The following GRIK3 variants were observed in gnomAD, a reference collection of about 807,000 sequenced individuals.
GRIK3 encodes glutamate ionotropic receptor kainate type subunit 3.
GRIK3 carries 29 observed loss-of-function variants against 102.5 expected under a neutral mutation model. The observed-to-expected ratio is 0.28, with a 90% CI of 0.21 to 0.39. The LOEUF (loss-of-function observed/expected upper bound fraction) is 0.39, where lower values mean the gene tolerates loss of function less well. Among genes scored for constraint, GRIK3 ranks in the 10% least tolerant of loss-of-function variants. The probability of loss-of-function intolerance (pLI) is 1.00; values close to 1 mark genes in which losing one functional copy is unlikely to be tolerated. For synonymous variants in GRIK3, 511 were observed against 504.9 expected (o/e 1.01, Z -0.16); for missense variants, 908 against 1,252.4 (o/e 0.73, Z 4.15).
chr1:36,843,140 G>C (rs540741033), intron 9 of GRIK3, among the ~76,000 whole-genome samples: 14 of 152,356 alleles, frequency 9.2e-5, no homozygotes, highest in Non-Finnish European at 1.9e-4. Context: ...AGAGGCAGAA[G>C]AGCCAGTGGA....
chr1:37,020,125 C>T (rs544156200), intron 1 of GRIK3, among the ~76,000 whole-genome samples: 1 of 152,182 alleles, frequency 6.6e-6, no homozygotes, highest in African/African-American at 2.4e-5. Flanking sequence ...CTCCATACCC[C>T]AGTGATGGAT....
intron 7 of GRIK3, among the ~76,000 whole-genome samples, chr1:36,855,393 T>C (rs1366894722): frequency 1.3e-5 from 2 of 152,232 alleles, no homozygotes; most frequent in African/African-American, 2.4e-5. Flanking sequence ...GGAGTTTCAT[T>C]GACAAATCCC....
At chr1:36,966,210 C>T (rs1024389019) in intron 1 of GRIK3, among the ~76,000 whole-genome samples, 2 of 152,230 alleles carry the variant, frequency 1.3e-5, no homozygotes, top group African/African-American at 4.8e-5. Context: ...GCCCCAATCA[C>T]CTCTCCACAG....
chr1:36,807,421 A>G (rs1395767313), intron 13 of GRIK3, among the ~76,000 whole-genome samples: 3 of 152,152 alleles, frequency 2.0e-5, no homozygotes, highest in Non-Finnish European at 4.4e-5. Context: ...TGCAGGCCCC[A>G]CTGAGCCCGG....
At chr1:37,001,294 G>C (rs1392970016) in intron 1 of GRIK3, among the ~76,000 whole-genome samples, 1 of 152,212 alleles carries the variant, frequency 6.6e-6, no homozygotes, top group Non-Finnish European at 1.5e-5. Flanking sequence ...AGAATAGTCT[G>C]AGATCAATTG....
rs969338952 is a variant in GRIK3 at position 36,800,066 on chromosome 1, C to T, written c.*1785G>A. 1.3e-5 allele frequency: 2 copies of T among 152,208 alleles called. No individual in the cohort carries two copies. The highest frequency in any genetic ancestry group is 2.9e-5 in the Non-Finnish European group (2 of 68,062). 9.4% of individuals were successfully genotyped at this position (152,208 alleles called of 1,614,324 possible). A position where few individuals can be genotyped will look rare whatever the true frequency, so the allele number is the denominator to read the frequency against. ...ATTCTGGGAACCTGCTGGTTTGGTC[C>T]TGCAGCTCACAGTCTGGAGGAGGGA... On this transcript the variant is annotated 3_prime_UTR_variant, in exon 16 of 16. Coordinates refer to ENST00000373091, the MANE Select transcript of GRIK3 (RefSeq NM_000831.4).
At chr1:37,026,541 C>T (rs545010942) in intron 1 of GRIK3, among the ~76,000 whole-genome samples, 60 of 152,332 alleles carry the variant, frequency 3.9e-4, no homozygotes, top group Admixed American at 1.0e-3. Context: ...TATTAAGCAT[C>T]GGGCACTATG....
intron 1 of GRIK3, among the ~76,000 whole-genome samples, chr1:37,011,976 C>A (rs1026580006): frequency 1.3e-5 from 2 of 152,174 alleles, no homozygotes; most frequent in Non-Finnish European, 2.9e-5. Flanking sequence ...CCACCTCCCC[C>A]ATGCCTTGGG....
chr1:36,998,340 C>G (rs552873355), intron 1 of GRIK3, among the ~76,000 whole-genome samples: 36 of 152,318 alleles, frequency 2.4e-4, no homozygotes, highest in African/African-American at 8.7e-4. Context: ...CTCCCCAACA[C>G]CCTGTCTCAT....
At position 36,915,375 on chromosome 1, in the gene GRIK3, C is replaced by T. The variant is rs114456215; in HGVS notation, c.116-24279G>A. Among the ~76,000 whole-genome samples, 944 of 152,278 alleles carry T rather than the reference C, an allele frequency of 6.2e-3. 10 individuals carry two copies. The highest frequency in any genetic ancestry group is 0.022 in the African/African-American group (914 of 41,556). On this transcript the variant is annotated intron_variant, in intron 1 of 15. Coordinates refer to ENST00000373091, the MANE Select transcript of GRIK3 (RefSeq NM_000831.4). ...TTTCTCTCCAGTGCCTAGAACAAGA[C>T]CTGGCACATAATTGGCATTCAATAA...
chr1:36,799,567 G>A lies in GRIK3; in HGVS notation c.*2284C>T, dbSNP rs976070831. ...TTTACGCATATTTGGCTAGCTGCAGGTAAGATCCTGATCTCCATCCTATGC... is the reference window on the plus strand; with the variant it reads ...TTTACGCATATTTGGCTAGCTGCAGATAAGATCCTGATCTCCATCCTATGC... On this transcript the variant is annotated 3_prime_UTR_variant, in exon 16 of 16. Coordinates refer to ENST00000373091, the MANE Select transcript of GRIK3 (RefSeq NM_000831.4). 2.0e-5 allele frequency: 3 copies of A among 152,318 alleles called. No homozygotes were observed. The East Asian group carries it at 5.8e-4, about 29-fold the overall frequency. 9.4% of individuals were successfully genotyped at this position (152,318 alleles called of 1,614,324 possible).
intron 1 of GRIK3, among the ~76,000 whole-genome samples, chr1:36,984,189 C>T (rs1353189731): frequency 6.6e-6 from 1 of 151,784 alleles, no homozygotes; most frequent in Non-Finnish European, 1.5e-5. Context: ...CTCTAACACA[C>T]TCACACGTTT....
intron 13 of GRIK3, among the ~76,000 whole-genome samples, chr1:36,809,907 T>A (rs1475277101): frequency 1.3e-5 from 2 of 152,202 alleles, no homozygotes; most frequent in Non-Finnish European, 2.9e-5. Context: ...AGGTTCCTGG[T>A]TCTGGAGCCT....
rs1411394913 is a variant in GRIK3 at position 36,881,034 on chromosome 1, TCA to T, written c.293-145_293-144del. 14 of 821,008 alleles carry T rather than the reference TCA, an allele frequency of 1.7e-5. No individual in the cohort carries two copies. In the Admixed American group the frequency reaches 1.9e-4, roughly 11 times the overall value. The allele number at this position is 821,008 out of a possible 1,614,324, so 50.9% of individuals were successfully genotyped here. On this transcript the variant is annotated intron_variant, in intron 2 of 15. Transcript: ENST00000373091. ...GCACAATGGATGAGCTCTCTGAACC[TCA>T]GTTTCCTCATCTGAAAACAGGGGTT...
intron 5 of GRIK3, among the ~76,000 whole-genome samples, chr1:36,869,135 C>T (rs1640817113): frequency 6.6e-6 from 1 of 152,148 alleles, no homozygotes; most frequent in Admixed American, 6.5e-5. Flanking sequence ...TGAACTCAGG[C>T]CACAGCTAAT....
chr1:36,860,627 G>C (rs1397344515), intron 5 of GRIK3, among the ~76,000 whole-genome samples: 1 of 152,210 alleles, frequency 6.6e-6, no homozygotes, highest in Non-Finnish European at 1.5e-5. Flanking sequence ...CAGGAGAACA[G>C]GGTCTCAACG....
intron 1 of GRIK3, among the ~76,000 whole-genome samples, chr1:36,963,106 G>T (rs1642033445): frequency 6.6e-6 from 1 of 152,114 alleles, no homozygotes; most frequent in African/African-American, 2.4e-5. Context: ...CGAGGTCAGG[G>T]ACCGAGGCAG....
chr1:37,033,997 T>G lies in GRIK3; in HGVS notation c.112A>C (p.Ile38Leu), dbSNP rs1183203509. 1.3e-6 allele frequency: 2 copies of G among 1,580,608 alleles called. No individual in the cohort carries two copies. Among genetic ancestry groups the G allele is most frequent in the African/African-American group, 2.7e-5 (2 of 73,330 alleles). Residue 38 changes from isoleucine (I) to leucine (L), a missense_variant, in exon 1 of 16, where the codon ATC becomes CTC. By Grantham distance (5) the Ile-to-Leu change is conservative. This residue lies in a region of GRIK3 where 585 missense variants were observed against 824.9 expected (regional missense o/e 0.71). Coordinates refer to ENST00000373091, the MANE Select transcript of GRIK3 (RefSeq NM_000831.4). The stretch of plus-strand genomic sequence containing the variant: ...CCCGGCTCCAGGGAGCGCTTACCGA[T>G]CCGGATGACGTGGGGCATCCCGCGC... ...DSRGMPHVIR[I>L]GGIFEYADGP...
rs113859335 is a variant in GRIK3 at position 36,828,689 on chromosome 1, C to A, written c.1531-2863G>T. 5.3e-3 allele frequency among the ~76,000 whole-genome samples: 805 copies of A among 152,342 alleles called. 7 individuals are homozygous for A. Among genetic ancestry groups the A allele is most frequent in the Non-Finnish European group, 7.4e-3 (501 of 68,034 alleles). ...GCTTTGGGAGGTTCTGTCCTCACTC[C>A]AAAGTCATTATCATTGCTCAAAATG... On this transcript the variant is annotated intron_variant, in intron 10 of 15. Transcript: ENST00000373091.
Sources: allele counts gnomAD v4.1 joint callset (sites outside exome capture counted in the v4.1 genomes callset), GRCh38; gene constraint gnomAD v4.1.1; regional missense constraint gnomAD v4.1.1; transcripts MANE v1.5; gene names NCBI Gene and HGNC (gene_info 2026-07-23, HGNC 2026-07-21).